Variants in ARMC9 observed in about 807,000 individuals in gnomAD.
ARMC9 encodes lisH domain-containing protein ARMC9.
In ARMC9, 94 loss-of-function variants were observed where a neutral mutation model predicts 107.0. The ratio of observed to expected loss-of-function variants is 0.88; its 90% CI spans 0.74 to 1.04. The LOEUF (loss-of-function observed/expected upper bound fraction) is 1.04. Among genes scored for constraint, ARMC9 ranks in the 50% least tolerant of loss-of-function variants. The pLI, the probability that ARMC9 is intolerant of heterozygous loss-of-function variation, is 0.00. For missense variants in ARMC9, 942 were observed against 1,030.1 expected, an observed-to-expected ratio of 0.91 and a Z score of 1.17; for synonymous variants, 380 against 396.9, an observed-to-expected ratio of 0.96 and a Z score of 0.51.
intron 2 of ARMC9, among the ~76,000 whole-genome samples, chr2:231,207,042 C>G (rs150776136): frequency 6.6e-6 from 1 of 152,314 alleles, no homozygotes. Flanking sequence ...TCTTGTTCTG[C>G]CGCCTAGGCT....
intron 20 of ARMC9, among the ~76,000 whole-genome samples, chr2:231,338,384 G>A (rs1055389111): frequency 1.3e-4 from 20 of 151,974 alleles, no homozygotes; most frequent in African/African-American, 3.1e-4. Flanking sequence ...GTGCCACTAC[G>A]CCTGGCTAAT....
At chr2:231,335,679 T>C (rs939027527) in intron 20 of ARMC9, among the ~76,000 whole-genome samples, 27 of 152,240 alleles carry the variant, frequency 1.8e-4, no homozygotes, top group African/African-American at 6.5e-4. Context: ...TGTTCTGCTA[T>C]AGGCTGTGAA....
At chr2:231,305,580 A>G (rs745866113) in intron 19 of ARMC9, among the ~76,000 whole-genome samples, 2 of 152,202 alleles carry the variant, frequency 1.3e-5, no homozygotes, top group Admixed American at 6.5e-5. Context: ...GGAAAGTGAC[A>G]CTAATGTGAT....
chr2:231,267,797 G>A (rs1234210126), intron 12 of ARMC9, among the ~76,000 whole-genome samples: 3 of 152,052 alleles, frequency 2.0e-5, no homozygotes, highest in South Asian at 2.1e-4. Context: ...TTGGGACCTC[G>A]TGCACTACTT....
chr2:231,240,100 A>G (rs2036151878), intron 9 of ARMC9, 59 bp downstream of exon 9: 5 of 1,366,716 alleles, frequency 3.7e-6, no homozygotes, highest in Non-Finnish European at 5.1e-6. Context: ...TTTAAAAAGA[A>G]TGTAACTTTA....
At chr2:231,229,793 TTC>T (rs2035034872) in intron 7 of ARMC9, among the ~76,000 whole-genome samples, 1 of 152,182 alleles carries the variant, frequency 6.6e-6, no homozygotes, top group African/African-American at 2.4e-5. Flanking sequence ...ATTTTAGCTT[TTC>T]ATAGTGGGTG....
At chr2:231,254,441 G>A (rs1327986749) in intron 9 of ARMC9, among the ~76,000 whole-genome samples, 3 of 152,112 alleles carry the variant, frequency 2.0e-5, no homozygotes, top group East Asian at 1.9e-4. Context: ...CCTTCAGTGC[G>A]GGGTGTCTGG....
At chr2:231,288,830 T>G (rs2040794536) in intron 17 of ARMC9, 2 of 402,028 alleles carry the variant, frequency 5.0e-6, no homozygotes, top group Admixed American at 3.1e-5. Context: ...CTTGGGACTT[T>G]CACCTAGTCA....
chr2:231,316,010 A>T (rs936969338), intron 19 of ARMC9, among the ~76,000 whole-genome samples: 3 of 152,188 alleles, frequency 2.0e-5, no homozygotes, highest in Non-Finnish European at 4.4e-5. Flanking sequence ...CTGATTTATT[A>T]CTGGTCAAAT....
intron 17 of ARMC9, among the ~76,000 whole-genome samples, chr2:231,287,146 G>A (rs1559408392): frequency 1.3e-5 from 2 of 152,328 alleles, no homozygotes; most frequent in South Asian, 4.1e-4. Flanking sequence ...CCAGAGGAAT[G>A]TCCAAGCACA....
intron 19 of ARMC9, among the ~76,000 whole-genome samples, chr2:231,327,233 A>T (rs1319554097): frequency 6.6e-6 from 1 of 152,186 alleles, no homozygotes; most frequent in Non-Finnish European, 1.5e-5. Context: ...GCCTTGTGAC[A>T]TCTCACATAT....
Position 231,358,005 on chromosome 2 carries a change from T to A in ARMC9, c.2131+2071T>A, listed in dbSNP as rs929981971. ...GGAGTAGATTCCATTCTGACCTTCT[T>A]TCAGACAGGCCTGCCCACGGCCTGT... On this transcript the variant is annotated intron_variant, in intron 22 of 24. Coordinates refer to ENST00000611582, the MANE Select transcript of ARMC9 (RefSeq NM_001352754.2). The surrounding 1 kb of genome is among the most constrained non-coding windows in gnomAD (Gnocchi z 4.5). Among the ~76,000 whole-genome samples the A allele has an allele frequency of 4.6e-5, 7 of 152,280 alleles. No individual in the cohort carries two copies. The East Asian group carries it at 1.4e-3, about 29-fold the overall frequency.
At chr2:231,357,314 A>C (rs932196115) in intron 22 of ARMC9, among the ~76,000 whole-genome samples, 7 of 152,156 alleles carry the variant, frequency 4.6e-5, no homozygotes, top group African/African-American at 1.7e-4. Context: ...GACCGGCTGG[A>C]GGCAGAGCAG....
chr2:231,259,235 C>A, intron 11 of ARMC9, 133 bp downstream of exon 11: 3 of 786,808 alleles, frequency 3.8e-6, no homozygotes, highest in Non-Finnish European at 5.9e-6. Flanking sequence ...ACACCAAGAA[C>A]GGAAGTCAAA....
intron 18 of ARMC9, chr2:231,293,790 C>G (rs1490974106): frequency 6.6e-6 from 1 of 152,190 alleles, no homozygotes; most frequent in African/African-American, 2.4e-5. Context: ...CATAGGACAG[C>G]GGCAGGAGCC....
In ARMC9 at chr2:231,360,757, C is replaced by CCAT. The variant is rs1360829663; in HGVS notation, c.2140_2142dup (p.Ile714dup). 1.8e-5 allele frequency: 27 copies of CCAT among 1,536,064 alleles called. No individual in the cohort carries two copies. The East Asian group carries it at 2.9e-4, about 17-fold the overall frequency. The stretch of plus-strand genomic sequence containing the variant: ...AACTTTCTCTCCTCCTCCCCAGCAG[C>CCAT]CATCATCGCCAAGCCAGGAGAGTGG... On this transcript the variant is annotated inframe_insertion, in exon 23 of 25. Transcript: ENST00000611582. The surrounding 1 kb of genome is among the most constrained non-coding windows in gnomAD (Gnocchi z 4.7).
chr2:231,252,202 C>T (rs750289266), intron 9 of ARMC9, among the ~76,000 whole-genome samples: 1 of 152,096 alleles, frequency 6.6e-6, no homozygotes, highest in Non-Finnish European at 1.5e-5. Flanking sequence ...TGGAAATAAC[C>T]AGCCAATATC....
At position 231,254,653 on chromosome 2, in the gene ARMC9, T is replaced by TAA. The variant is rs1310943468; in HGVS notation, c.880-1920_880-1919dup. ...GGGCAATATAGTGAGACCCTATCTA[T>TAA]AAAAAAAAAAAAAATTGAAAAAAAT... is the stretch of plus-strand genomic sequence containing the variant. On this transcript the variant is annotated intron_variant, in intron 9 of 24. Coordinates refer to ENST00000611582, the MANE Select transcript of ARMC9 (RefSeq NM_001352754.2). Among the ~76,000 whole-genome samples, 324 of 110,074 alleles carry TAA rather than the reference T, an allele frequency of 2.9e-3. 1 individual carries two copies. Among genetic ancestry groups the TAA allele is most frequent in the African/African-American group, 0.011 (309 of 29,394 alleles). 72.2% of individuals were successfully genotyped at this position (110,074 alleles called of 152,430 possible). A position where few individuals can be genotyped will look rare whatever the true frequency, so the allele number is the denominator to read the frequency against.
At chr2:231,324,563 C>T (rs947892297) in intron 19 of ARMC9, among the ~76,000 whole-genome samples, 2 of 150,252 alleles carry the variant, frequency 1.3e-5, no homozygotes, top group Admixed American at 1.3e-4. Flanking sequence ...ACCAGCCTGA[C>T]CAACATGAAG....
Sources: allele counts gnomAD v4.1 joint callset (sites outside exome capture counted in the v4.1 genomes callset), GRCh38; gene constraint gnomAD v4.1.1; non-coding constraint Gnocchi (gnomAD v3.1); transcripts MANE v1.5; gene names NCBI Gene and HGNC (gene_info 2026-07-23, HGNC 2026-07-21).